AAK1: variants seen among roughly 807,000 people sequenced by gnomAD.
AAK1 encodes AP2 associated kinase 1.
AAK1 carries 37 observed loss-of-function variants against 116.0 expected under a neutral mutation model. That is an observed-to-expected ratio of 0.32 (90% CI 0.25 to 0.42). The LOEUF is 0.42. AAK1 is among the 10% of genes least tolerant of loss of function. The pLI, the probability that AAK1 is intolerant of heterozygous loss-of-function variation, is 1.00. For synonymous variants in AAK1, 458 were observed against 439.9 expected, an observed-to-expected ratio of 1.04 and a Z score of -0.51; for missense variants, 919 against 1,170.6, an observed-to-expected ratio of 0.79 and a Z score of 3.14.
At chr2:69,586,741 T>C (rs1048891314) in intron 2 of AAK1, among the ~76,000 whole-genome samples, 3 of 152,200 alleles carry the variant, frequency 2.0e-5, no homozygotes, top group African/African-American at 7.2e-5. Context: ...CATTCCATTG[T>C]TCTTTAGACA....
At chr2:69,552,514 C>A (rs1671222444) in intron 3 of AAK1, among the ~76,000 whole-genome samples, 1 of 151,958 alleles carries the variant, frequency 6.6e-6, no homozygotes, top group Admixed American at 6.6e-5. Flanking sequence ...GAGTTGAGGA[C>A]CAGCCTGGCC....
intron 2 of AAK1, among the ~76,000 whole-genome samples, chr2:69,561,691 C>T (rs562649762): frequency 2.0e-5 from 3 of 152,266 alleles, no homozygotes; most frequent in East Asian, 3.9e-4. Flanking sequence ...GTGGCTGTGG[C>T]GACAGCCAAT....
intron 2 of AAK1, among the ~76,000 whole-genome samples, chr2:69,593,538 A>T (rs1673127638): frequency 1.3e-5 from 2 of 151,916 alleles, no homozygotes. Flanking sequence ...CTTATTATAT[A>T]CTATCTTTAT....
In AAK1 at chr2:69,529,997, A is replaced by C; in HGVS notation, c.871+11T>G. On this transcript the variant is annotated intron_variant, in intron 8 of 21. Transcript: ENST00000409085. ...AATAAAAATATGAAACTAGAAACTT[A>C]AAATACTTACTAATTAGGCAGTGCA... is the stretch of plus-strand genomic sequence containing the variant. The C allele has an allele frequency of 6.5e-7, 1 of 1,532,802 alleles. No individual in the cohort carries two copies. 95.0% of individuals were successfully genotyped at this position (1,532,802 alleles called of 1,614,324 possible). A position where few individuals can be genotyped will look rare whatever the true frequency, so the allele number is the denominator to read the frequency against.
At chr2:69,598,058 C>G (rs913674990) in intron 2 of AAK1, 3 of 567,328 alleles carry the variant, frequency 5.3e-6, no homozygotes, top group Non-Finnish European at 8.1e-6. Context: ...GGGTGAACAC[C>G]TTCTTTATGG....
chr2:69,526,101 A>C (rs986287813), intron 9 of AAK1, among the ~76,000 whole-genome samples: 6 of 152,162 alleles, frequency 3.9e-5, no homozygotes, highest in Non-Finnish European at 7.3e-5. Context: ...GTGACTGTTA[A>C]GACTGTAGAA....
intron 2 of AAK1, among the ~76,000 whole-genome samples, chr2:69,579,150 A>G (rs1672440346): frequency 6.6e-6 from 1 of 152,088 alleles, no homozygotes; most frequent in South Asian, 2.1e-4. Context: ...CCTCCCAGTC[A>G]TTCAGAAACC....
At chr2:69,611,861 T>A (rs1471300214) in intron 2 of AAK1, among the ~76,000 whole-genome samples, 1 of 152,226 alleles carries the variant, frequency 6.6e-6, no homozygotes, top group Non-Finnish European at 1.5e-5. Flanking sequence ...GGATGAACTC[T>A]GAAGACATTA....
chr2:69,599,037 C>T (rs893897534), intron 2 of AAK1: 9 of 280,170 alleles, frequency 3.2e-5, no homozygotes, highest in Admixed American at 1.7e-4. Context: ...TGGGGAGGTC[C>T]GTGTGCTAGC....
intron 2 of AAK1, among the ~76,000 whole-genome samples, chr2:69,584,327 C>T (rs1672671144): frequency 6.6e-6 from 1 of 152,184 alleles, no homozygotes; most frequent in East Asian, 1.9e-4. Context: ...CACCTCATTC[C>T]GAGACTCTGG....
rs1182409775 is a variant in AAK1, at chr2:69,462,738, T to A, written c.*13131A>T. 1 of 152,114 alleles carries A rather than the reference T, an allele frequency of 6.6e-6. No homozygotes were observed. The highest frequency in any genetic ancestry group is 1.9e-4 in the East Asian group (1 of 5,196). 9.4% of individuals were successfully genotyped at this position (152,114 alleles called of 1,614,324 possible). A position where few individuals can be genotyped will look rare whatever the true frequency, so the allele number is the denominator to read the frequency against. Reference sequence around the variant, plus strand: ...ATCTCCCTGAGTATTTCTAGGCTCTTCGCTCATGTTTTTGAGGGCTTCACT... The same window carrying A: ...ATCTCCCTGAGTATTTCTAGGCTCTACGCTCATGTTTTTGAGGGCTTCACT... On this transcript the variant is annotated 3_prime_UTR_variant, in exon 22 of 22. Transcript: ENST00000409085.
chr2:69,587,818 C>T (rs1305633997), intron 2 of AAK1, among the ~76,000 whole-genome samples: 1 of 151,998 alleles, frequency 6.6e-6, no homozygotes, highest in Non-Finnish European at 1.5e-5. Context: ...TACTATGTTG[C>T]TCAGGCTGGT....
rs111726789 is a variant in AAK1 at position 69,462,296 on chromosome 2, G to A, written c.*13573C>T. On this transcript the variant is annotated 3_prime_UTR_variant, in exon 22 of 22. Transcript: ENST00000409085. Reference sequence around the variant, plus strand: ...TGACGAGTTAGTGGGTGCAGCACACGAGCATGGCACATGTATACATATGTA... The same window carrying A: ...TGACGAGTTAGTGGGTGCAGCACACAAGCATGGCACATGTATACATATGTA... 1 of 146,194 alleles carries A rather than the reference G, an allele frequency of 6.8e-6. No individual in the cohort carries two copies. Among genetic ancestry groups the A allele is most frequent in the Admixed American group, 6.9e-5 (1 of 14,534 alleles). 9.1% of individuals were successfully genotyped at this position (146,194 alleles called of 1,614,324 possible). A position where few individuals can be genotyped will look rare whatever the true frequency, so the allele number is the denominator to read the frequency against.
rs180892222 is a variant in AAK1, at chr2:69,536,095, T to G, written c.535-3933A>C. The stretch of plus-strand genomic sequence containing the variant: ...ACCTAACTTGTCTGAGGTCACAGGA[T>G]AGTAGGGCAGTATTTAGGCTCAGGC... On this transcript the variant is annotated intron_variant, in intron 5 of 21. Transcript: ENST00000409085. Among the ~76,000 whole-genome samples the G allele has an allele frequency of 2.0e-5, 3 of 152,186 alleles. No homozygotes were observed. The East Asian group carries it at 5.8e-4, about 29-fold the overall frequency.
At chr2:69,523,270 A>G (rs901407746) in intron 10 of AAK1, among the ~76,000 whole-genome samples, 9 of 152,200 alleles carry the variant, frequency 5.9e-5, no homozygotes, top group Non-Finnish European at 1.0e-4. Context: ...AGCTACTTAA[A>G]TCAGCCCCAA....
At chr2:69,507,605 C>A (rs1364357843) in intron 14 of AAK1, 27 bp from the exon 15 acceptor site, 1 of 1,532,404 alleles carries the variant, frequency 6.5e-7, no homozygotes, top group African/African-American at 1.4e-5. Context: ...CCCCACGAAA[C>A]AAAAAGATAT....
At chr2:69,486,834 G>T (rs1172372887) in intron 17 of AAK1, among the ~76,000 whole-genome samples, 2 of 152,190 alleles carry the variant, frequency 1.3e-5, no homozygotes, top group Admixed American at 6.5e-5. Context: ...AGTTCTCTCT[G>T]TATCTGTCTA....
intron 17 of AAK1, among the ~76,000 whole-genome samples, chr2:69,483,172 T>A (rs1016658027): frequency 6.6e-6 from 1 of 152,204 alleles, no homozygotes; most frequent in African/African-American, 2.4e-5. Context: ...ACTGAAATGA[T>A]ACAGAACATT....
chr2:69,530,601 A>G, intron 7 of AAK1, 24 bp downstream of exon 7: 2 of 1,587,660 alleles, frequency 1.3e-6, no homozygotes, highest in Non-Finnish European at 1.7e-6. Flanking sequence ...TATCTGAGGT[A>G]TGGATAGGTT....
Sources: allele counts gnomAD v4.1 joint callset (sites outside exome capture counted in the v4.1 genomes callset), GRCh38; gene constraint gnomAD v4.1.1; transcripts MANE v1.5; gene names NCBI Gene and HGNC (gene_info 2026-07-23, HGNC 2026-07-21).